Variants in FRS2 observed in about 807,000 individuals in gnomAD.
The protein encoded by FRS2 is fibroblast growth factor receptor substrate 2.
In FRS2, 8 loss-of-function variants were observed where a neutral mutation model predicts 43.9. The ratio of observed to expected loss-of-function variants is 0.18; its 90% CI spans 0.11 to 0.33. The LOEUF (loss-of-function observed/expected upper bound fraction) is 0.33, where lower values mean the gene tolerates loss of function less well. Ranked by LOEUF, FRS2 falls within the 10% of genes least tolerant of loss-of-function variation. FRS2 has a pLI of 1.00. For missense variants in FRS2, 534 were observed against 627.6 expected, an observed-to-expected ratio of 0.85 and a Z score of 1.59; for synonymous variants, 219 against 220.3, an observed-to-expected ratio of 0.99 and a Z score of 0.05.
chr12:69,562,894 GC>G (rs1879987650), intron 4 of FRS2, among the ~76,000 whole-genome samples: 1 of 151,904 alleles, frequency 6.6e-6, no homozygotes, highest in South Asian at 2.1e-4. Context: ...TCACTGTGTT[GC>G]CCAGGCTGGT....
chr12:69,518,271 G>A (rs577376212), intron 1 of FRS2, among the ~76,000 whole-genome samples: 63 of 152,138 alleles, frequency 4.1e-4, no homozygotes, highest in Non-Finnish European at 7.3e-4. Context: ...TCCCACTTAT[G>A]AGAAATTACC....
rs529344455 is a variant in FRS2 at position 69,470,402 on chromosome 12, G to C, written c.-389G>C. 2 of 398,626 alleles carry C rather than the reference G, an allele frequency of 5.0e-6. No homozygotes were observed. Among genetic ancestry groups the C allele is most frequent in the Non-Finnish European group, 8.8e-6 (2 of 226,230 alleles). 24.7% of individuals were successfully genotyped at this position (398,626 alleles called of 1,614,324 possible). Reference sequence around the variant, plus strand: ...AAGTGCTTTTCCAAGATTCGGGCCGGAGAGAGGCCTTGTAGGCACAGCGGC... The same window carrying C: ...AAGTGCTTTTCCAAGATTCGGGCCGCAGAGAGGCCTTGTAGGCACAGCGGC... On this transcript the variant is annotated 5_prime_UTR_variant, in exon 1 of 9. Transcript: ENST00000549921.
chr12:69,494,519 T>G (rs565171210), intron 1 of FRS2, among the ~76,000 whole-genome samples: 1 of 152,338 alleles, frequency 6.6e-6, no homozygotes, highest in African/African-American at 2.4e-5. Context: ...TCTTTTAAAC[T>G]GGGGCTTCTA....
At chr12:69,557,617 T>TGTGCGCGC (rs993752795) in intron 3 of FRS2, among the ~76,000 whole-genome samples, 1 of 117,040 alleles carries the variant, frequency 8.5e-6, no homozygotes, top group African/African-American at 3.9e-5. Context: ...TGTGTGTGTG[T>TGTGCGCGC]GTGCGCGCGC....
intron 3 of FRS2, among the ~76,000 whole-genome samples, chr12:69,540,779 G>A (rs1460912443): frequency 6.6e-6 from 1 of 152,200 alleles, no homozygotes; most frequent in African/African-American, 2.4e-5. Flanking sequence ...AGCCAGGTAG[G>A]TTGTCAGGGG....
chr12:69,514,466 A>G (rs1252751235), intron 1 of FRS2, among the ~76,000 whole-genome samples: 1 of 152,166 alleles, frequency 6.6e-6, no homozygotes, highest in Non-Finnish European at 1.5e-5. Context: ...TGGGATGCAC[A>G]TGTGTGTTTG....
At chr12:69,498,835 G>A (rs1873166603) in intron 1 of FRS2, among the ~76,000 whole-genome samples, 1 of 152,124 alleles carries the variant, frequency 6.6e-6, no homozygotes, top group Admixed American at 6.6e-5. Flanking sequence ...AACCAGCCTT[G>A]AGCTGAGATT....
intron 3 of FRS2, among the ~76,000 whole-genome samples, chr12:69,535,004 A>G (rs1877139374): frequency 1.3e-5 from 2 of 152,188 alleles, no homozygotes; most frequent in Non-Finnish European, 2.9e-5. Context: ...TCCCAAGTAA[A>G]TGATGTGTTC....
intron 1 of FRS2, among the ~76,000 whole-genome samples, chr12:69,514,144 AAT>A (rs1348825051): frequency 1.3e-5 from 2 of 152,102 alleles, no homozygotes; most frequent in Admixed American, 6.5e-5. Context: ...AACCAAATCA[AAT>A]ATGTTTTAAA....
intron 1 of FRS2, among the ~76,000 whole-genome samples, chr12:69,526,536 A>T (rs1565747773): frequency 1.3e-5 from 2 of 152,224 alleles, no homozygotes; most frequent in Non-Finnish European, 2.9e-5. Context: ...AATTAGTGTT[A>T]TCTGATAATG....
intron 1 of FRS2, among the ~76,000 whole-genome samples, chr12:69,475,072 T>A (rs1371968677): frequency 6.6e-6 from 1 of 152,238 alleles, no homozygotes; most frequent in Non-Finnish European, 1.5e-5. Context: ...TTTTGGAAAC[T>A]GTTTAAGAAC....
intron 3 of FRS2, among the ~76,000 whole-genome samples, chr12:69,546,954 G>A (rs1173659194): frequency 2.6e-5 from 4 of 152,222 alleles, no homozygotes; most frequent in Non-Finnish European, 5.9e-5. Flanking sequence ...GCCGAAGGTG[G>A]AAGCAACCCA....
intron 3 of FRS2, among the ~76,000 whole-genome samples, chr12:69,552,767 C>T (rs1379575364): frequency 6.6e-6 from 1 of 152,038 alleles, no homozygotes; most frequent in Non-Finnish European, 1.5e-5. Flanking sequence ...TGGCGCATGC[C>T]TGTAATTCCA....
intron 1 of FRS2, among the ~76,000 whole-genome samples, chr12:69,529,346 G>T (rs1592996805): frequency 6.6e-6 from 1 of 152,264 alleles, no homozygotes; most frequent in Non-Finnish European, 1.5e-5. Context: ...AAGGTAGGCT[G>T]GGCATGGTGG....
chr12:69,535,662 A>G (rs1203170848), intron 3 of FRS2, among the ~76,000 whole-genome samples: 1 of 152,114 alleles, frequency 6.6e-6, no homozygotes, highest in Non-Finnish European at 1.5e-5. Context: ...TTCGGTTATT[A>G]AGTACAGTGT....
intron 3 of FRS2, among the ~76,000 whole-genome samples, chr12:69,556,449 C>G (rs1301484096): frequency 2.0e-5 from 3 of 152,046 alleles, no homozygotes; most frequent in African/African-American, 7.2e-5. Context: ...TCACATGTCT[C>G]AGTCCCCTGA....
intron 1 of FRS2, among the ~76,000 whole-genome samples, chr12:69,514,901 A>G (rs2135586221): frequency 6.6e-6 from 1 of 152,154 alleles, no homozygotes; most frequent in East Asian, 1.9e-4. Context: ...ACCTTCTGAA[A>G]TCATATGGCA....
intron 1 of FRS2, among the ~76,000 whole-genome samples, chr12:69,512,206 T>C (rs1362113574): frequency 2.0e-5 from 3 of 152,218 alleles, no homozygotes; most frequent in Non-Finnish European, 4.4e-5. Context: ...CACCTTATTT[T>C]AATAGGAGTC....
At chr12:69,485,082 AACACACACACACAC>A (rs71094716) in intron 1 of FRS2, among the ~76,000 whole-genome samples, 1,398 of 85,342 alleles carry the variant, frequency 0.016, 31 homozygotes, top group African/African-American at 0.067. Context: ...CTCATCTTAA[AACACACACACACAC>A]ACACACACAC....
Sources: gnomAD v4.1 joint callset for allele counts (sites outside exome capture counted in the v4.1 genomes callset) on GRCh38, gnomAD v4.1.1 for gene constraint, MANE v1.5 for transcripts, NCBI Gene and HGNC (gene_info 2026-07-23, HGNC 2026-07-21) for gene names.